The following AZIN1 variants were observed in gnomAD, a reference collection of about 807,000 sequenced individuals.
The protein encoded by AZIN1 is antizyme inhibitor 1, also known as ornithine decarboxylase antizyme inhibitor.
In AZIN1, 12 loss-of-function variants were observed where a neutral mutation model predicts 47.4. The observed-to-expected ratio is 0.25, with a 90% CI of 0.16 to 0.41. The LOEUF (loss-of-function observed/expected upper bound fraction) is 0.41, where lower values mean the gene tolerates loss of function less well. AZIN1 is among the 10% of genes least tolerant of loss of function. AZIN1 has a pLI of 1.00. For missense variants in AZIN1, 410 were observed against 532.4 expected, an observed-to-expected ratio of 0.77 and a Z score of 2.26; for synonymous variants, 155 against 176.3, an observed-to-expected ratio of 0.88 and a Z score of 0.96.
rs1443552247 is a variant in AZIN1 at position 102,827,937 on chromosome 8, C to T, written c.*630G>A. 1 of 152,474 alleles carries T rather than the reference C, an allele frequency of 6.6e-6. No individual in the cohort carries two copies. The highest frequency in any genetic ancestry group is 6.6e-5 in the Admixed American group (1 of 15,254). 9.4% of individuals were successfully genotyped at this position (152,474 alleles called of 1,614,324 possible). ...AAAACCCTTCAAAACAGTCCATATA[C>T]ACATCTATTTCAAAACTACCTTTGC... On this transcript the variant is annotated 3_prime_UTR_variant, in exon 12 of 12. Transcript: ENST00000337198.
chr8:102,847,330 T>C (rs535496957), intron 2 of AZIN1, among the ~76,000 whole-genome samples: 2 of 138,148 alleles, frequency 1.4e-5, no homozygotes, highest in South Asian at 4.5e-4. Context: ...GCCTGAGCAA[T>C]ATAGGGAGAA....
chr8:102,844,624 C>CA (rs1812441062), intron 2 of AZIN1, among the ~76,000 whole-genome samples: 1 of 127,344 alleles, frequency 7.9e-6, no homozygotes, highest in Non-Finnish European at 1.7e-5. Context: ...ATTTCTTCAA[C>CA]AGGTTGTTGT....
In AZIN1 at chr8:102,828,154, GTCT is replaced by G. The variant is rs1403982934; in HGVS notation, c.*410_*412del. On this transcript the variant is annotated 3_prime_UTR_variant, in exon 12 of 12. Coordinates refer to ENST00000337198, the MANE Select transcript of AZIN1 (RefSeq NM_148174.4). ...AACGTTATCTAATGAAGTCACACTG[GTCT>G]TCTAACATTTGATATATCTGGGTGA... 1.9e-5 allele frequency: 3 copies of G among 154,442 alleles called. No individual in the cohort carries two copies. The highest frequency in any genetic ancestry group is 2.9e-5 in the Non-Finnish European group (2 of 69,398). 9.6% of individuals were successfully genotyped at this position (154,442 alleles called of 1,614,324 possible). A position where few individuals can be genotyped will look rare whatever the true frequency, so the allele number is the denominator to read the frequency against.
intron 3 of AZIN1, among the ~76,000 whole-genome samples, chr8:102,843,205 C>CAAAAAA (rs10713233): frequency 1.0e-5 from 1 of 97,266 alleles, no homozygotes; most frequent in African/African-American, 3.7e-5. Context: ...GACTCGTCTC[C>CAAAAAA]AAAAAAAAAA....
rs13123 is a variant in AZIN1 at position 102,826,775 on chromosome 8, A to G, written c.*1792T>C. The G allele has an allele frequency of 0.1, 16,016 of 152,654 alleles. 1,164 individuals carry two copies. The highest frequency in any genetic ancestry group is 0.22 in the Admixed American group (3,427 of 15,276). 9.5% of individuals were successfully genotyped at this position (152,654 alleles called of 1,614,324 possible). A position where few individuals can be genotyped will look rare whatever the true frequency, so the allele number is the denominator to read the frequency against. On this transcript the variant is annotated 3_prime_UTR_variant, in exon 12 of 12. Transcript: ENST00000337198. ...GGTTTGGCATTTCTGGACCACAACA[A>G]TGCACAACATGTAAAGAAGGTAGGA...
intron 2 of AZIN1, among the ~76,000 whole-genome samples, chr8:102,847,105 G>A (rs1812612945): frequency 6.6e-6 from 1 of 152,164 alleles, no homozygotes. Flanking sequence ...TCCCAGCTGA[G>A]TGACAAAATC....
Position 102,863,373 on chromosome 8 carries a change from G to A in AZIN1, c.-234+434C>T, listed in dbSNP as rs542021201. Among the ~76,000 whole-genome samples the A allele has an allele frequency of 2.6e-5, 4 of 151,008 alleles. No homozygotes were observed. In the South Asian group the frequency reaches 6.3e-4, roughly 24 times the overall value. Reference sequence around the variant, plus strand: ...TTCGGGAGGCAAAGGTGGCGGCGGCGCACCGCGGAGTAGGGGCTGCGGGAC... The same window carrying A: ...TTCGGGAGGCAAAGGTGGCGGCGGCACACCGCGGAGTAGGGGCTGCGGGAC... On this transcript the variant is annotated intron_variant, in intron 1 of 11. Coordinates refer to ENST00000337198, the MANE Select transcript of AZIN1 (RefSeq NM_148174.4).
chr8:102,863,033 G>A (rs1813815786), intron 1 of AZIN1, among the ~76,000 whole-genome samples: 1 of 152,252 alleles, frequency 6.6e-6, no homozygotes, highest in African/African-American at 2.4e-5. Context: ...CTAATCCTCA[G>A]GCTCCAGGAG....
upstream of AZIN1, chr8:102,864,168 A>C: frequency 5.5e-6 from 1 of 182,038 alleles, no homozygotes; most frequent in Non-Finnish European, 1.1e-5. Flanking sequence ...AAGTGTGAGA[A>C]GGCGGCGCCA....
intron 9 of AZIN1, among the ~76,000 whole-genome samples, chr8:102,831,551 G>A (rs1189517601): frequency 2.7e-5 from 4 of 150,508 alleles, no homozygotes; most frequent in Non-Finnish European, 5.9e-5. Context: ...GCTGAGGCAG[G>A]AGAATTGCTT....
At chr8:102,843,886 T>A in intron 2 of AZIN1, 139 bp from the exon 3 acceptor site, 1 of 611,556 alleles carries the variant, frequency 1.6e-6, no homozygotes, top group Non-Finnish European at 2.6e-6. Flanking sequence ...ATTATTAATT[T>A]CCTTTAACGC....
At chr8:102,846,779 A>G (rs1371270512) in intron 2 of AZIN1, among the ~76,000 whole-genome samples, 6 of 152,160 alleles carry the variant, frequency 3.9e-5, no homozygotes, top group Admixed American at 3.9e-4. Flanking sequence ...TCACACTGGT[A>G]TAAAAACATT....
At chr8:102,832,174 G>A (rs1040175266) in intron 9 of AZIN1, among the ~76,000 whole-genome samples, 34 of 152,188 alleles carry the variant, frequency 2.2e-4, no homozygotes, top group African/African-American at 7.5e-4. Context: ...AATGAGCTGA[G>A]AAACTTTATC....
intron 1 of AZIN1, among the ~76,000 whole-genome samples, chr8:102,862,273 T>C (rs1417995812): frequency 3.9e-5 from 6 of 152,206 alleles, no homozygotes; most frequent in Non-Finnish European, 5.9e-5. Context: ...CTATTTAATA[T>C]GCACATACTA....
At chr8:102,831,127 G>A (rs1258939028) in intron 9 of AZIN1, among the ~76,000 whole-genome samples, 1 of 152,142 alleles carries the variant, frequency 6.6e-6, no homozygotes, top group Admixed American at 6.5e-5. Flanking sequence ...AGGTTAAAAT[G>A]AGCCTGGAAC....
At position 102,828,581 on chromosome 8, in the gene AZIN1, A is replaced by C. The variant is rs559992326; in HGVS notation, c.1333T>G (p.Ser445Ala). 4.4e-6 allele frequency: 7 copies of C among 1,607,444 alleles called. No individual in the cohort carries two copies. The Admixed American group carries it at 1.2e-4, about 27-fold the overall frequency. The part of the protein sequence containing the change: ...CIQLSQEDSF[S>A]AEA ...TTAATGCCTGTTTAAGCTTCAGCGG[A>C]AAAGCTGTCTTCTTGGCTCAGCTGA... Residue 445 changes from serine to alanine, a missense_variant, in exon 12 of 12, where the codon TCC (serine) becomes GCC (alanine). Physicochemically the swap from Ser to Ala is moderately conservative, Grantham distance 99. Around this residue, in one of 3 missense-constraint regions of AZIN1, gnomAD observed 168 missense variants for 198.3 expected, o/e 0.85. Coordinates refer to ENST00000337198, the MANE Select transcript of AZIN1 (RefSeq NM_148174.4).
At chr8:102,833,025 C>A (rs1049098347) in intron 9 of AZIN1, 31 bp downstream of exon 9, 17 of 1,558,416 alleles carry the variant, frequency 1.1e-5, no homozygotes, top group Non-Finnish European at 1.5e-5. Context: ...TATCTACCAA[C>A]AAAAATAAAA....
In AZIN1 at chr8:102,833,195, C is replaced by T. The variant is rs749864332; in HGVS notation, c.765G>A (p.Leu255=). ...LEEVNHVISP[L]LDIYFPEGSG... Reference sequence around the variant, plus strand: ...ATCCTTCAGGAAAGTAGATATCCAACAGAGGGCTGATAACATGATTAACCT... The same window carrying T: ...ATCCTTCAGGAAAGTAGATATCCAATAGAGGGCTGATAACATGATTAACCT... Residue 255 remains leucine (L), a synonymous_variant, in exon 9 of 12, where the codon CTG becomes CTA. Transcript: ENST00000337198. The T allele has an allele frequency of 1.8e-5, 29 of 1,613,542 alleles. No homozygotes were observed. The East Asian group carries it at 5.6e-4, about 31-fold the overall frequency.
intron 2 of AZIN1, among the ~76,000 whole-genome samples, chr8:102,847,957 G>A (rs959083334): frequency 1.3e-5 from 2 of 152,154 alleles, no homozygotes; most frequent in Non-Finnish European, 2.9e-5. Context: ...GTATAGTCAT[G>A]CGTTGCATAA....
Sources: gnomAD v4.1 joint callset for allele counts (sites outside exome capture counted in the v4.1 genomes callset) on GRCh38, gnomAD v4.1.1 for gene constraint, gnomAD v4.1.1 regional missense constraint, MANE v1.5 for transcripts, NCBI Gene and HGNC (gene_info 2026-07-23, HGNC 2026-07-21) for gene names.